EPHA6: variants seen among roughly 807,000 people sequenced by gnomAD.
EPHA6 encodes EPH receptor A6.
Under a neutral mutation model 112.0 loss-of-function variants are expected in EPHA6, and 50 were observed. That is an observed-to-expected ratio of 0.45 (90% CI 0.36 to 0.56). The LOEUF (loss-of-function observed/expected upper bound fraction) is 0.56, where lower values mean the gene tolerates loss of function less well. Among genes scored for constraint, EPHA6 ranks in the 20% least tolerant of loss-of-function variants. EPHA6 has a pLI of 0.00. For missense variants in EPHA6, 1,280 were observed against 1,417.4 expected, an observed-to-expected ratio of 0.90 and a Z score of 1.56; for synonymous variants, 529 against 490.7, an observed-to-expected ratio of 1.08 and a Z score of -1.03.
chr3:97,498,768 G>A (rs1036350091), intron 10 of EPHA6, among the ~76,000 whole-genome samples: 2 of 152,162 alleles, frequency 1.3e-5, no homozygotes, highest in African/African-American at 4.8e-5. Flanking sequence ...GAATGTGCAT[G>A]TGAGGGACCT....
chr3:97,512,852 G>A (rs2092389278), intron 10 of EPHA6, among the ~76,000 whole-genome samples: 1 of 152,156 alleles, frequency 6.6e-6, no homozygotes, highest in Non-Finnish European at 1.5e-5. Flanking sequence ...GATGTGAGCT[G>A]CCGCGTCTGG....
intron 6 of EPHA6, among the ~76,000 whole-genome samples, chr3:97,421,453 T>C (rs1404499455): frequency 6.6e-6 from 1 of 152,102 alleles, no homozygotes; most frequent in Non-Finnish European, 1.5e-5. Flanking sequence ...GTTTTCAATA[T>C]GTACAAAACA....
intron 6 of EPHA6, among the ~76,000 whole-genome samples, chr3:97,438,082 A>G (rs916883508): frequency 2.6e-5 from 4 of 152,184 alleles, no homozygotes; most frequent in Admixed American, 6.6e-5. Context: ...AAATGTTGGA[A>G]TGAAGGCATT....
At chr3:96,940,061 GA>G (rs1296766619) in intron 2 of EPHA6, among the ~76,000 whole-genome samples, 1 of 152,028 alleles carries the variant, frequency 6.6e-6, no homozygotes, top group Admixed American at 6.6e-5. Flanking sequence ...GTGTGGTGCT[GA>G]AAAAAAATGT....
intron 6 of EPHA6, 106 bp from the exon 7 acceptor site, chr3:97,448,462 C>G: frequency 5.9e-6 from 7 of 1,192,004 alleles, no homozygotes; most frequent in Non-Finnish European, 7.2e-6. Flanking sequence ...GTAATCAATA[C>G]TTTTGGTATT....
chr3:97,013,683 T>C (rs2044167421), intron 3 of EPHA6, among the ~76,000 whole-genome samples: 1 of 152,196 alleles, frequency 6.6e-6, no homozygotes, highest in African/African-American at 2.4e-5. Context: ...ATGAAATATG[T>C]TTAAAATGGA....
chr3:96,896,553 C>T (rs1436834489), intron 2 of EPHA6, among the ~76,000 whole-genome samples: 2 of 152,178 alleles, frequency 1.3e-5, no homozygotes, highest in East Asian at 3.8e-4. Context: ...TTAAAACCAC[C>T]AGCCACAAGT....
intron 2 of EPHA6, among the ~76,000 whole-genome samples, chr3:96,961,186 CTGT>C (rs2041937343): frequency 6.6e-6 from 1 of 152,242 alleles, no homozygotes; most frequent in Admixed American, 6.5e-5. Context: ...AGGGAGGCTA[CTGT>C]CCTTTAGCAA....
chr3:97,421,315 T>A (rs971929124), intron 6 of EPHA6, among the ~76,000 whole-genome samples: 14 of 152,248 alleles, frequency 9.2e-5, no homozygotes, highest in African/African-American at 3.4e-4. Context: ...AAGATTATAG[T>A]AAGGTGTCTC....
intron 11 of EPHA6, among the ~76,000 whole-genome samples, chr3:97,558,883 A>G (rs1433462222): frequency 6.6e-6 from 1 of 152,052 alleles, no homozygotes; most frequent in African/African-American, 2.4e-5. Flanking sequence ...ATAAGCCAAA[A>G]TATATTATTT....
chr3:97,300,449 G>A (rs1018409056), intron 5 of EPHA6, among the ~76,000 whole-genome samples: 3 of 152,076 alleles, frequency 2.0e-5, no homozygotes, highest in African/African-American at 7.2e-5. Flanking sequence ...GTCACTCAAA[G>A]TGCACCCACC....
chr3:97,373,738 C>G (rs550839019), intron 5 of EPHA6, among the ~76,000 whole-genome samples: 1 of 152,030 alleles, frequency 6.6e-6, no homozygotes, highest in African/African-American at 2.4e-5. Context: ...TCTTTTATTG[C>G]TATCTTGCTT....
chr3:97,620,276 A>G (rs1255898477), intron 13 of EPHA6, among the ~76,000 whole-genome samples: 1 of 152,106 alleles, frequency 6.6e-6, no homozygotes, highest in East Asian at 1.9e-4. Context: ...CTCAAGAAGG[A>G]TTAAAGAGTT....
intron 3 of EPHA6, among the ~76,000 whole-genome samples, chr3:97,184,400 A>G (rs2077066896): frequency 2.0e-5 from 3 of 152,176 alleles, no homozygotes. Context: ...AAAAATCACA[A>G]GCATTCTTAT....
At chr3:97,694,731 G>A (rs1194328790) in intron 14 of EPHA6, among the ~76,000 whole-genome samples, 1 of 152,206 alleles carries the variant, frequency 6.6e-6, no homozygotes, top group Non-Finnish European at 1.5e-5. Flanking sequence ...AACTTCCATT[G>A]TATAGTGTCA....
intron 5 of EPHA6, among the ~76,000 whole-genome samples, chr3:97,334,690 A>G (rs1396574713): frequency 6.6e-6 from 1 of 152,070 alleles, no homozygotes; most frequent in Non-Finnish European, 1.5e-5. Flanking sequence ...TAATAGTTAA[A>G]TAGCTATCAA....
intron 11 of EPHA6, among the ~76,000 whole-genome samples, chr3:97,536,033 C>T (rs2107658565): frequency 6.6e-6 from 1 of 152,222 alleles, no homozygotes; most frequent in African/African-American, 2.4e-5. Flanking sequence ...ATCACAATTT[C>T]ATTAACCTAT....
At chr3:96,986,166 A>G (rs2043014439) in intron 2 of EPHA6, among the ~76,000 whole-genome samples, 1 of 152,224 alleles carries the variant, frequency 6.6e-6, no homozygotes, top group African/African-American at 2.4e-5. Context: ...GTATAGAAGT[A>G]TGCAATATTA....
chr3:96,957,765 C>T (rs1442425046), intron 2 of EPHA6, among the ~76,000 whole-genome samples: 1 of 152,128 alleles, frequency 6.6e-6, no homozygotes, highest in African/African-American at 2.4e-5. Flanking sequence ...GTATTGAAAA[C>T]ATGTTGTTAT....
Sources: allele counts gnomAD v4.1 joint callset (sites outside exome capture counted in the v4.1 genomes callset), GRCh38; gene constraint gnomAD v4.1.1; transcripts MANE v1.5; gene names NCBI Gene and HGNC (gene_info 2026-07-23, HGNC 2026-07-21).